NKAIN1: variants seen among roughly 807,000 people sequenced by gnomAD.
The protein encoded by NKAIN1 is sodium/potassium transporting ATPase interacting 1, also known as sodium/potassium-transporting ATPase subunit beta-1-interacting protein 1.
A neutral mutation model predicts 31.6 loss-of-function variants in NKAIN1; 13 were observed. That is an observed-to-expected ratio of 0.41 (90% CI 0.27 to 0.65). The LOEUF is 0.65. NKAIN1 is among the 30% of genes least tolerant of loss of function. The probability of loss-of-function intolerance (pLI) is 0.30; values close to 1 mark genes in which losing one functional copy is unlikely to be tolerated. For missense variants in NKAIN1, 193 were observed against 262.2 expected (o/e 0.74, Z 1.82); for synonymous variants, 104 against 109.0 (o/e 0.95, Z 0.28).
At chr1:31,214,419 G>A (rs1645494382) in intron 1 of NKAIN1, among the ~76,000 whole-genome samples, 1 of 148,132 alleles carries the variant, frequency 6.8e-6, no homozygotes, top group Non-Finnish European at 1.5e-5. Flanking sequence ...CTTTAAAATG[G>A]AACAATTTTA....
chr1:31,186,229 G>A (rs1338388088), intron 2 of NKAIN1, among the ~76,000 whole-genome samples: 1 of 151,748 alleles, frequency 6.6e-6, no homozygotes, highest in African/African-American at 2.4e-5. Context: ...AGGCATGATG[G>A]CACATGCCTG....
intron 1 of NKAIN1, among the ~76,000 whole-genome samples, chr1:31,203,293 T>TA (rs1297898816): frequency 6.8e-6 from 1 of 147,916 alleles, no homozygotes; most frequent in Non-Finnish European, 1.5e-5. Flanking sequence ...ATAAAATAAA[T>TA]AAAAAATAAT....
chr1:31,219,711 A>C (rs1240713848), intron 1 of NKAIN1, among the ~76,000 whole-genome samples: 1 of 152,252 alleles, frequency 6.6e-6, no homozygotes, highest in Non-Finnish European at 1.5e-5. Flanking sequence ...GTCTCAGGCC[A>C]CACAGGTGCC....
intron 1 of NKAIN1, among the ~76,000 whole-genome samples, chr1:31,204,387 C>T (rs1022497570): frequency 2.0e-5 from 3 of 152,090 alleles, no homozygotes; most frequent in Non-Finnish European, 4.4e-5. Context: ...ATCCTCCATG[C>T]CTGAGGTCCC....
chr1:31,231,570 A>T (rs966466751), intron 1 of NKAIN1, among the ~76,000 whole-genome samples: 1 of 151,980 alleles, frequency 6.6e-6, no homozygotes. Context: ...TCGCTCTGTC[A>T]CCCAGGCTGG....
At position 31,213,320 on chromosome 1, in the gene NKAIN1, G is replaced by C. The variant is rs553756131; in HGVS notation, c.55-25133C>G. ...CTCCAAAGAAGGTATACAAGTGGCT[G>C]ATAAGCACAAAAAAATATGCTCAAA... On this transcript the variant is annotated intron_variant, in intron 1 of 6. Coordinates refer to ENST00000373736, the MANE Select transcript of NKAIN1 (RefSeq NM_024522.3). 2.0e-5 allele frequency among the ~76,000 whole-genome samples: 3 copies of C among 152,252 alleles called. No individual in the cohort carries two copies. In the South Asian group the frequency reaches 6.2e-4, roughly 32 times the overall value.
chr1:31,227,392 C>T (rs920121211), intron 1 of NKAIN1, among the ~76,000 whole-genome samples: 1 of 152,142 alleles, frequency 6.6e-6, no homozygotes, highest in African/African-American at 2.4e-5. Context: ...CCTGGGTTTG[C>T]GCAGCTCTGC....
At chr1:31,222,982 G>T (rs375773474) in intron 1 of NKAIN1, among the ~76,000 whole-genome samples, 1 of 152,198 alleles carries the variant, frequency 6.6e-6, no homozygotes, top group African/African-American at 2.4e-5. Context: ...CCTGCGTCTT[G>T]TCCTCTTTTC....
intron 1 of NKAIN1, among the ~76,000 whole-genome samples, chr1:31,189,941 AGT>A (rs375214274): frequency 3.2e-4 from 49 of 152,246 alleles, no homozygotes; most frequent in African/African-American, 9.9e-4. Flanking sequence ...GTACAGAGAG[AGT>A]GTGTGTGGGA....
At chr1:31,186,190 C>T (rs1645240415) in intron 2 of NKAIN1, among the ~76,000 whole-genome samples, 1 of 151,892 alleles carries the variant, frequency 6.6e-6, no homozygotes, top group Admixed American at 6.6e-5. Flanking sequence ...TGGAGAAACC[C>T]TGTCTCTATT....
At chr1:31,216,960 C>T (rs1570471307) in intron 1 of NKAIN1, among the ~76,000 whole-genome samples, 2 of 151,944 alleles carry the variant, frequency 1.3e-5, no homozygotes, top group East Asian at 1.9e-4. Context: ...CCGCCTCCCG[C>T]ATTCAAGCGA....
chr1:31,185,586 G>C (rs994328968), intron 2 of NKAIN1, among the ~76,000 whole-genome samples: 1 of 152,180 alleles, frequency 6.6e-6, no homozygotes, highest in African/African-American at 2.4e-5. Context: ...AGATCACACA[G>C]CTAGGAGGAG....
intron 1 of NKAIN1, among the ~76,000 whole-genome samples, chr1:31,214,364 G>A (rs1363744062): frequency 2.0e-5 from 3 of 151,520 alleles, no homozygotes; most frequent in African/African-American, 7.3e-5. Flanking sequence ...TAGTGGTGAT[G>A]GCTGCACAAC....
At chr1:31,218,016 T>TTTTTTCTTTCTTTCTTTC (rs773175985) in intron 1 of NKAIN1, among the ~76,000 whole-genome samples, 154 of 108,222 alleles carry the variant, frequency 1.4e-3, no homozygotes, top group African/African-American at 5.3e-3. Context: ...GCAGCTACCA[T>TTTTTTCTTTCTTTCTTTC]TTTCTTTCTT....
intron 1 of NKAIN1, among the ~76,000 whole-genome samples, chr1:31,217,010 C>T (rs951707588): frequency 3.9e-5 from 6 of 152,206 alleles, no homozygotes; most frequent in East Asian, 3.9e-4. Flanking sequence ...GGATTACAGG[C>T]GTGTGCCACC....
chr1:31,223,665 C>T (rs1032612749), intron 1 of NKAIN1, among the ~76,000 whole-genome samples: 3 of 152,066 alleles, frequency 2.0e-5, no homozygotes, highest in Admixed American at 6.6e-5. Context: ...AGGATGGTCC[C>T]GATCTCCTGA....
chr1:31,200,012 T>C (rs1387710374), intron 1 of NKAIN1, among the ~76,000 whole-genome samples: 6 of 98,696 alleles, frequency 6.1e-5, no homozygotes, highest in East Asian at 4.8e-4. Flanking sequence ...CGCACACACA[T>C]GCACACACAC....
At chr1:31,203,325 CAGAAGGGGTCACAGTCA>C (rs777062488) in intron 1 of NKAIN1, among the ~76,000 whole-genome samples, 84,184 of 151,768 alleles carry the variant, frequency 0.55, 27,786 homozygotes, top group Middle Eastern at 0.83. Context: ...GGATGTCCCT[CAGAAGGGGTCACAGTCA>C]ATGACAGTGC....
rs1645213060 is a variant in NKAIN1 at position 31,182,726 on chromosome 1, T to G, written c.472-136A>C. On this transcript the variant is annotated intron_variant, in intron 4 of 6. Coordinates refer to ENST00000373736, the MANE Select transcript of NKAIN1 (RefSeq NM_024522.3). ...GAAGGCAAACCGTAACAACTTCCAA[T>G]TAAATGTTTTCACCTTAAAGTCAAA... 3 of 791,706 alleles carry G rather than the reference T, an allele frequency of 3.8e-6. No homozygotes were observed. In the South Asian group the frequency reaches 5.2e-5, roughly 14 times the overall value. The allele number at this position is 791,706 out of a possible 1,614,324, so 49.0% of individuals were successfully genotyped here.
Sources: gnomAD v4.1 joint callset for allele counts (sites outside exome capture counted in the v4.1 genomes callset) on GRCh38, gnomAD v4.1.1 for gene constraint, MANE v1.5 for transcripts, NCBI Gene and HGNC (gene_info 2026-07-23, HGNC 2026-07-21) for gene names.